SLIT2: variants seen among roughly 807,000 people sequenced by gnomAD.
SLIT2 encodes slit homolog 2 protein.
In SLIT2, 41 loss-of-function variants were observed where a neutral mutation model predicts 185.7. The ratio of observed to expected loss-of-function variants is 0.22; its 90% CI spans 0.17 to 0.29. SLIT2 has a LOEUF of 0.29. Among genes scored for constraint, SLIT2 ranks in the 10% least tolerant of loss-of-function variants. SLIT2 has a pLI of 1.00. For synonymous variants in SLIT2, 693 were observed against 680.2 expected (o/e 1.02, Z -0.29); for missense variants, 1,571 against 1,909.0 (o/e 0.82, Z 3.30).
intron 9 of SLIT2, among the ~76,000 whole-genome samples, chr4:20,505,235 G>A (rs1719098592): frequency 6.6e-6 from 1 of 151,958 alleles, no homozygotes; most frequent in Non-Finnish European, 1.5e-5. Context: ...GAGAAACTGA[G>A]ACACAGCGAA....
rs967588486 is a variant in SLIT2 at position 20,252,976 on chromosome 4, G to C, written c.-840G>C. ...CTAGTGGATATTTCTGCCCGGCTGC[G>C]GCGGCCCGACTGCCCTTTTGTCTTT... On this transcript the variant is annotated 5_prime_UTR_variant, in exon 1 of 37. Coordinates refer to ENST00000504154, the MANE Select transcript of SLIT2 (RefSeq NM_004787.4). Among the ~76,000 whole-genome samples the C allele has an allele frequency of 4.6e-5, 7 of 152,194 alleles. No individual in the cohort carries two copies. The highest frequency in any genetic ancestry group is 1.7e-4 in the African/African-American group (7 of 41,444).
chr4:20,332,684 A>G (rs1378256537), intron 4 of SLIT2, among the ~76,000 whole-genome samples: 1 of 152,050 alleles, frequency 6.6e-6, no homozygotes, highest in Admixed American at 6.6e-5. Context: ...AAAAAAAAAC[A>G]AAAACAAAAA....
intron 9 of SLIT2, among the ~76,000 whole-genome samples, chr4:20,498,638 G>C (rs931119810): frequency 6.6e-6 from 1 of 152,146 alleles, no homozygotes; most frequent in Admixed American, 6.6e-5. Context: ...AAGAATGTAA[G>C]TTATAACAAT....
rs541671608 is a variant in SLIT2 at position 20,395,858 on chromosome 4, AT to A, written c.396-71888del. ...AAAACTAACAGTAACAAAGACACAC[AT>A]TTTTTCAAGCAATTTATTATGTGAT... On this transcript the variant is annotated intron_variant, in intron 4 of 36. Transcript: ENST00000504154. 9.8e-4 allele frequency among the ~76,000 whole-genome samples: 149 copies of A among 152,006 alleles called. 1 individual carries two copies. Among genetic ancestry groups the A allele is most frequent in the African/African-American group, 3.3e-3 (138 of 41,510 alleles).
intron 4 of SLIT2, among the ~76,000 whole-genome samples, chr4:20,380,411 G>A (rs535140759): frequency 6.6e-6 from 1 of 152,062 alleles, no homozygotes; most frequent in Non-Finnish European, 1.5e-5. Flanking sequence ...AAACATGCAA[G>A]GAAGCAGGAA....
At chr4:20,616,781 C>T in intron 34 of SLIT2, 129 bp from the exon 35 acceptor site, 1 of 990,020 alleles carries the variant, frequency 1.0e-6, no homozygotes, top group Non-Finnish European at 1.5e-6. Flanking sequence ...ACTTCACTTC[C>T]CTACCACCCT....
chr4:20,481,143 G>A (rs765618849), intron 6 of SLIT2, among the ~76,000 whole-genome samples: 1 of 151,650 alleles, frequency 6.6e-6, no homozygotes, highest in Non-Finnish European at 1.5e-5. Context: ...ATAATTTGTC[G>A]TTGTTAGGCA....
At chr4:20,369,225 T>C (rs1723371763) in intron 4 of SLIT2, among the ~76,000 whole-genome samples, 1 of 152,106 alleles carries the variant, frequency 6.6e-6, no homozygotes, top group Admixed American at 6.6e-5. Context: ...GTCTCTGTCC[T>C]CATTGATGTC....
chr4:20,333,525 A>G (rs529740659), intron 4 of SLIT2, among the ~76,000 whole-genome samples: 8 of 152,250 alleles, frequency 5.3e-5, no homozygotes, highest in African/African-American at 1.7e-4. Context: ...TGCCAGTCAC[A>G]TTCTAGCAGC....
chr4:20,309,833 C>T lies in SLIT2; in HGVS notation c.395+40952C>T, dbSNP rs1357375506. Among the ~76,000 whole-genome samples the T allele has an allele frequency of 9.5e-5, 14 of 146,956 alleles. 1 individual carries two copies. Among genetic ancestry groups the T allele is most frequent in the Admixed American group, 5.5e-4 (8 of 14,452 alleles). On this transcript the variant is annotated intron_variant, in intron 4 of 36. Coordinates refer to ENST00000504154, the MANE Select transcript of SLIT2 (RefSeq NM_004787.4). ...GGAGTGCAGTGGCGTTATCTCGGCTCACTGCAAGCTCCGCCTCCCGGGTTC... is the reference window on the plus strand; with the variant it reads ...GGAGTGCAGTGGCGTTATCTCGGCTTACTGCAAGCTCCGCCTCCCGGGTTC...
chr4:20,471,136 T>C (rs1342721094), intron 5 of SLIT2, among the ~76,000 whole-genome samples: 1 of 152,194 alleles, frequency 6.6e-6, no homozygotes, highest in Non-Finnish European at 1.5e-5. Flanking sequence ...ACAATGAATG[T>C]ATAGGTTTAT....
rs34384249 is a variant in SLIT2 at position 20,589,900 on chromosome 4, C to CTTTT, written c.3182+184_3182+187dup. On this transcript the variant is annotated intron_variant, in intron 30 of 36. Transcript: ENST00000504154. ...TTTAAATGTCGATATACAATATGGA[C>CTTTT]TTTTTTTTTTTTTTTTTTTTTTTTG... 1.2e-3 allele frequency among the ~76,000 whole-genome samples: 102 copies of CTTTT among 84,484 alleles called. 4 individuals are homozygous for CTTTT. Among genetic ancestry groups the CTTTT allele is most frequent in the South Asian group, 3.4e-3 (7 of 2,058 alleles). The allele number at this position is 84,484 out of a possible 152,430, so 55.4% of individuals were successfully genotyped here.
intron 4 of SLIT2, among the ~76,000 whole-genome samples, chr4:20,310,755 T>G (rs539013026): frequency 6.6e-6 from 1 of 152,330 alleles, no homozygotes; most frequent in African/African-American, 2.4e-5. Context: ...GAATTTCAAG[T>G]AAGTTTCCAC....
intron 30 of SLIT2, among the ~76,000 whole-genome samples, chr4:20,590,194 C>G (rs752959778): frequency 6.6e-6 from 1 of 152,042 alleles, no homozygotes; most frequent in Non-Finnish European, 1.5e-5. Context: ...CGTGAGCCAC[C>G]GCGCCCAGCC....
rs1553911812 is a variant in SLIT2 at position 20,488,990 on chromosome 4, A to C, written c.775+8A>C. 1.9e-6 allele frequency: 3 copies of C among 1,601,638 alleles called. No homozygotes were observed. The highest frequency in any genetic ancestry group is 2.6e-6 in the Non-Finnish European group (3 of 1,171,084). On this transcript the variant is annotated splice_region_variant and intron_variant, in intron 8 of 36. Transcript: ENST00000504154. ...GAGAATTTGTCTGCAGTGGTAAGGG[A>C]GAAGGAAGAGTGATGTTATTGTGTT...
At chr4:20,497,534 C>T (rs1718334694) in intron 9 of SLIT2, among the ~76,000 whole-genome samples, 1 of 152,160 alleles carries the variant, frequency 6.6e-6, no homozygotes, top group African/African-American at 2.4e-5. Flanking sequence ...GTAGACAAGG[C>T]ATTAAGATAC....
rs191835883 is a variant in SLIT2 at position 20,345,042 on chromosome 4, T to C, written c.395+76161T>C. ...GGTCATACCCACCATTAATTATTGA[T>C]AGTAAAATACATAAGTTATGTGGAT... On this transcript the variant is annotated intron_variant, in intron 4 of 36. Coordinates refer to ENST00000504154, the MANE Select transcript of SLIT2 (RefSeq NM_004787.4). 5.3e-5 allele frequency among the ~76,000 whole-genome samples: 8 copies of C among 152,328 alleles called. No individual in the cohort carries two copies. The East Asian group carries it at 1.3e-3, about 26-fold the overall frequency.
At chr4:20,260,787 C>G (rs1240697103) in intron 3 of SLIT2, among the ~76,000 whole-genome samples, 1 of 151,686 alleles carries the variant, frequency 6.6e-6, no homozygotes, top group Non-Finnish European at 1.5e-5. Flanking sequence ...GATAGTTTTC[C>G]CTTTCAAAGA....
intron 4 of SLIT2, among the ~76,000 whole-genome samples, chr4:20,368,484 A>G (rs1303692255): frequency 6.6e-6 from 1 of 152,086 alleles, no homozygotes; most frequent in East Asian, 1.9e-4. Context: ...TTGGTAAACC[A>G]CAACGATCTT....
Sources: allele counts gnomAD v4.1 joint callset (sites outside exome capture counted in the v4.1 genomes callset), GRCh38; gene constraint gnomAD v4.1.1; transcripts MANE v1.5; gene names NCBI Gene and HGNC (gene_info 2026-07-23, HGNC 2026-07-21).